Variants in SLC35F3 observed in about 807,000 individuals in gnomAD.
SLC35F3 encodes putative thiamine transporter SLC35F3.
Under a neutral mutation model 49.9 loss-of-function variants are expected in SLC35F3, and 25 were observed. The ratio of observed to expected loss-of-function variants is 0.50; its 90% confidence interval spans 0.37 to 0.70. The LOEUF (loss-of-function observed/expected upper bound fraction) is 0.70. Ranked by LOEUF, SLC35F3 falls within the 30% of genes least tolerant of loss-of-function variation. The pLI is 0.00. For missense variants in SLC35F3, 525 were observed against 639.8 expected (o/e 0.82, Z 1.94); for synonymous variants, 275 against 265.4 (o/e 1.04, Z -0.35).
intron 2 of SLC35F3, among the ~76,000 whole-genome samples, chr1:233,917,266 A>G (rs1204521950): frequency 6.6e-6 from 1 of 152,128 alleles, no homozygotes; most frequent in Non-Finnish European, 1.5e-5. Flanking sequence ...ACTAAACTCT[A>G]TATTATGTAC....
At chr1:234,219,557 G>C (rs949342413) in intron 2 of SLC35F3, among the ~76,000 whole-genome samples, 1 of 152,222 alleles carries the variant, frequency 6.6e-6, no homozygotes, top group African/African-American at 2.4e-5. Flanking sequence ...AATAAAGAAT[G>C]CATGCTGAAA....
At chr1:234,102,117 G>A (rs2102882825) in intron 2 of SLC35F3, among the ~76,000 whole-genome samples, 1 of 152,326 alleles carries the variant, frequency 6.6e-6, no homozygotes, top group East Asian at 1.9e-4. Flanking sequence ...CCATGGTCAC[G>A]TAGAAGGAAT....
chr1:234,066,142 G>A (rs569403840), intron 2 of SLC35F3, among the ~76,000 whole-genome samples: 17 of 152,334 alleles, frequency 1.1e-4, no homozygotes, highest in African/African-American at 3.6e-4. Context: ...AGGAATTCCA[G>A]TTTCCACAGT....
At chr1:234,261,447 G>A (rs369679630) in intron 3 of SLC35F3, among the ~76,000 whole-genome samples, 47 of 152,282 alleles carry the variant, frequency 3.1e-4, no homozygotes, top group East Asian at 5.8e-4. Flanking sequence ...GGATGTTGCC[G>A]TGGCATTTGT....
intron 2 of SLC35F3, among the ~76,000 whole-genome samples, chr1:233,973,189 A>G (rs528449379): frequency 3.4e-4 from 52 of 152,256 alleles, no homozygotes; most frequent in Non-Finnish European, 6.2e-4. Context: ...AGAATAATAT[A>G]TTTTGGTGCT....
intron 3 of SLC35F3, among the ~76,000 whole-genome samples, chr1:234,286,908 G>T (rs1329960405): frequency 1.3e-5 from 2 of 152,224 alleles, no homozygotes; most frequent in Non-Finnish European, 2.9e-5. Flanking sequence ...AGTTGCTTAT[G>T]CCTGTAATCC....
chr1:234,137,671 G>A (rs771047933), intron 2 of SLC35F3, among the ~76,000 whole-genome samples: 2 of 152,158 alleles, frequency 1.3e-5, no homozygotes, highest in African/African-American at 2.4e-5. Flanking sequence ...ACATGCTCAG[G>A]GAAGACTTGT....
chr1:234,235,581 T>C (rs1388778347), intron 3 of SLC35F3, among the ~76,000 whole-genome samples: 1 of 152,244 alleles, frequency 6.6e-6, no homozygotes, highest in African/African-American at 2.4e-5. Flanking sequence ...ATTTTCAGTC[T>C]TGTCCAAAGG....
intron 2 of SLC35F3, among the ~76,000 whole-genome samples, chr1:234,066,346 C>A (rs901669011): frequency 6.6e-6 from 1 of 152,052 alleles, no homozygotes; most frequent in Non-Finnish European, 1.5e-5. Context: ...TCCCCCACAT[C>A]CTCCCCACCT....
Position 234,320,382 on chromosome 1 carries a change from C to T in SLC35F3, c.1237+195C>T, listed in dbSNP as rs1300420699. ...TTATTGCTCTGCCTGCTATAGAATGCGTGTTTAACTGTCTGCCAAAAAAAA... is the reference window on the plus strand; with the variant it reads ...TTATTGCTCTGCCTGCTATAGAATGTGTGTTTAACTGTCTGCCAAAAAAAA... On this transcript the variant is annotated intron_variant, in intron 7 of 7. Coordinates refer to ENST00000366618, the MANE Select transcript of SLC35F3 (RefSeq NM_173508.4). The surrounding 1 kb of genome is among the most constrained non-coding windows in gnomAD (Gnocchi z 4.8). 2.0e-5 allele frequency among the ~76,000 whole-genome samples: 3 copies of T among 151,670 alleles called. No individual in the cohort carries two copies. Among genetic ancestry groups the T allele is most frequent in the East Asian group, 1.9e-4 (1 of 5,170 alleles).
chr1:234,035,782 A>C (rs1664132396), intron 2 of SLC35F3, among the ~76,000 whole-genome samples: 1 of 152,328 alleles, frequency 6.6e-6, no homozygotes, highest in South Asian at 2.1e-4. Context: ...TTTTAAATTT[A>C]ACATTCTATC....
chr1:234,212,780 T>C (rs919439658), intron 2 of SLC35F3: 5 of 152,254 alleles, frequency 3.3e-5, no homozygotes, highest in Non-Finnish European at 4.4e-5. Context: ...TATTTTGTAG[T>C]AAAAAGATCC....
chr1:234,268,993 G>A (rs45603836), intron 3 of SLC35F3, among the ~76,000 whole-genome samples: 2,096 of 152,090 alleles, frequency 0.014, 22 homozygotes, highest in Non-Finnish European at 0.022. Context: ...TATAAAAAAC[G>A]TAAAAGGAAT....
At chr1:233,940,465 A>G (rs1208327680) in intron 2 of SLC35F3, among the ~76,000 whole-genome samples, 3 of 152,068 alleles carry the variant, frequency 2.0e-5, no homozygotes, top group Non-Finnish European at 2.9e-5. Flanking sequence ...CTCTTTCCTT[A>G]GTAGGTCTCA....
chr1:234,158,927 C>T (rs925648353), intron 2 of SLC35F3, among the ~76,000 whole-genome samples: 1 of 151,972 alleles, frequency 6.6e-6, no homozygotes, highest in African/African-American at 2.4e-5. Flanking sequence ...GAGATTTTTC[C>T]CCATAGTAGA....
At chr1:233,907,424 G>A (rs1661794932) in intron 2 of SLC35F3, among the ~76,000 whole-genome samples, 1 of 152,184 alleles carries the variant, frequency 6.6e-6, no homozygotes, top group Admixed American at 6.5e-5. Context: ...TGTGGAAATG[G>A]AGTCCCTTGC....
intron 2 of SLC35F3, among the ~76,000 whole-genome samples, chr1:233,954,144 C>T (rs540465365): frequency 1.3e-5 from 2 of 152,156 alleles, no homozygotes; most frequent in South Asian, 2.1e-4. Flanking sequence ...GTAGCTGGGA[C>T]TACAGGCATG....
At chr1:234,114,465 A>G (rs777346647) in intron 2 of SLC35F3, among the ~76,000 whole-genome samples, 3 of 152,218 alleles carry the variant, frequency 2.0e-5, no homozygotes, top group African/African-American at 4.8e-5. Context: ...GAAAGGTTCT[A>G]TTTTAATGGA....
In SLC35F3 at chr1:234,027,773, A is replaced by G. The variant is rs1460092026; in HGVS notation, c.283+122015A>G. 2.6e-5 allele frequency among the ~76,000 whole-genome samples: 4 copies of G among 152,188 alleles called. No homozygotes were observed. Among genetic ancestry groups the G allele is most frequent in the Non-Finnish European group, 4.4e-5 (3 of 68,018 alleles). ...TAAAAATTCACTGGGAGCCTGCGCC[A>G]GTTTAGCACTGGGTATTTAGCAGGG... On this transcript the variant is annotated intron_variant, in intron 2 of 7. Coordinates refer to ENST00000366618, the MANE Select transcript of SLC35F3 (RefSeq NM_173508.4). The surrounding 1 kb of genome is among the most constrained non-coding windows in gnomAD (Gnocchi z 4.1).
Sources: allele counts gnomAD v4.1 joint callset (sites outside exome capture counted in the v4.1 genomes callset), GRCh38; gene constraint gnomAD v4.1.1; non-coding constraint Gnocchi (gnomAD v3.1); transcripts MANE v1.5; gene names NCBI Gene and HGNC (gene_info 2026-07-23, HGNC 2026-07-21).